The following RPS6KC1 variants were observed in gnomAD, a reference collection of about 807,000 sequenced individuals.
The protein encoded by RPS6KC1 is ribosomal protein S6 kinase C1.
A neutral mutation model predicts 103.8 loss-of-function variants in RPS6KC1; 54 were observed. The observed-to-expected ratio is 0.52, with a 90% CI of 0.42 to 0.65. RPS6KC1 has a LOEUF of 0.65. Ranked by LOEUF, RPS6KC1 falls within the 30% of genes least tolerant of loss-of-function variation. The pLI, the probability that RPS6KC1 is intolerant of heterozygous loss-of-function variation, is 0.00. For synonymous variants in RPS6KC1, 439 were observed against 438.7 expected (o/e 1.00, Z -0.01); for missense variants, 1,151 against 1,253.8 (o/e 0.92, Z 1.24).
the RPS6KC1 span, among the ~76,000 whole-genome samples, chr1:213,718,911 GCA>G: frequency 6.6e-6 from 1 of 152,198 alleles, no homozygotes; most frequent in South Asian, 2.1e-4. Flanking sequence ...TGCGTTGACT[GCA>G]CTTTGAGTGA....
At chr1:213,615,632 C>T in the RPS6KC1 span, among the ~76,000 whole-genome samples, 3 of 152,234 alleles carry the variant, frequency 2.0e-5, no homozygotes, top group Admixed American at 2.0e-4. Context: ...CCCCAGGCAG[C>T]CCTCCTCCCT....
intron 1 of RPS6KC1, among the ~76,000 whole-genome samples, chr1:213,055,662 T>C (rs1335969437): frequency 6.6e-6 from 1 of 152,212 alleles, no homozygotes. Flanking sequence ...TTGTTCTGGC[T>C]ATTCTAGATT....
chr1:213,591,955 C>T, the RPS6KC1 span, among the ~76,000 whole-genome samples: 1 of 152,156 alleles, frequency 6.6e-6, no homozygotes, highest in Non-Finnish European at 1.5e-5. Context: ...GACCTTGGGA[C>T]AGGTGGCTTT....
At chr1:213,746,967 G>GTT in the RPS6KC1 span, among the ~76,000 whole-genome samples, 1 of 152,272 alleles carries the variant, frequency 6.6e-6, no homozygotes, top group East Asian at 1.9e-4. Flanking sequence ...GTGTGCAACT[G>GTT]GAGACACAAG....
intron 3 of RPS6KC1, among the ~76,000 whole-genome samples, chr1:213,097,991 G>A (rs367602240): frequency 6.6e-6 from 1 of 152,302 alleles, no homozygotes; most frequent in South Asian, 2.1e-4. Context: ...CAGCAATAAC[G>A]CTGCTTCACT....
At chr1:213,860,626 T>G in the RPS6KC1 span, among the ~76,000 whole-genome samples, 1 of 151,292 alleles carries the variant, frequency 6.6e-6, no homozygotes, top group South Asian at 2.1e-4. Flanking sequence ...AAGGAGAGAG[T>G]GTTCTAGCAA....
At chr1:213,512,190 A>G in the RPS6KC1 span, among the ~76,000 whole-genome samples, 1 of 152,258 alleles carries the variant, frequency 6.6e-6, no homozygotes, top group Non-Finnish European at 1.5e-5. Context: ...GTCTTAAGAC[A>G]TCACTTAAAA....
chr1:213,363,682 CT>C, the RPS6KC1 span, among the ~76,000 whole-genome samples: 2 of 104,960 alleles, frequency 1.9e-5, no homozygotes, highest in Non-Finnish European at 3.8e-5. Flanking sequence ...TTCTTTCTTT[CT>C]TTCTTTCTTT....
the RPS6KC1 span, among the ~76,000 whole-genome samples, chr1:213,688,060 C>A: frequency 3.9e-5 from 6 of 152,292 alleles, no homozygotes; most frequent in South Asian, 1.2e-3. Flanking sequence ...CCTCAATTTT[C>A]ATTTAATTAG....
At chr1:213,103,261 A>C (rs1484737411) in intron 3 of RPS6KC1, among the ~76,000 whole-genome samples, 1 of 151,892 alleles carries the variant, frequency 6.6e-6, no homozygotes, top group African/African-American at 2.4e-5. Context: ...CATGGCTTTT[A>C]AAAGTTTTTG....
chr1:213,860,946 T>C, the RPS6KC1 span, among the ~76,000 whole-genome samples: 43 of 152,078 alleles, frequency 2.8e-4, no homozygotes, highest in African/African-American at 9.9e-4. Flanking sequence ...GTAGCTGATA[T>C]TACAGGCGTG....
At chr1:213,350,387 G>T in the RPS6KC1 span, among the ~76,000 whole-genome samples, 1 of 152,134 alleles carries the variant, frequency 6.6e-6, no homozygotes, top group African/African-American at 2.4e-5. Context: ...CTTTTATCAG[G>T]AAAAGAGCTA....
At chr1:213,061,260 G>A (rs1380759406) in intron 1 of RPS6KC1, among the ~76,000 whole-genome samples, 6 of 152,178 alleles carry the variant, frequency 3.9e-5, no homozygotes, top group Admixed American at 2.0e-4. Flanking sequence ...TAATGCTTTC[G>A]TGAAAACTTG....
chr1:213,746,690 A>C, the RPS6KC1 span, among the ~76,000 whole-genome samples: 1 of 152,156 alleles, frequency 6.6e-6, no homozygotes, highest in Non-Finnish European at 1.5e-5. Context: ...TAGCAGGAGG[A>C]GAGAGAAGAT....
downstream of RPS6KC1, among the ~76,000 whole-genome samples, chr1:213,275,668 A>C (rs1185644341): frequency 1.3e-5 from 2 of 152,228 alleles, no homozygotes; most frequent in Non-Finnish European, 2.9e-5. Flanking sequence ...AGAATGATCA[A>C]ATCAGGCTAA....
the RPS6KC1 span, among the ~76,000 whole-genome samples, chr1:213,463,933 T>C: frequency 6.6e-6 from 1 of 152,166 alleles, no homozygotes; most frequent in African/African-American, 2.4e-5. Context: ...TAATCAACAT[T>C]ATAAATGCGT....
the RPS6KC1 span, among the ~76,000 whole-genome samples, chr1:213,637,905 C>T: frequency 6.6e-6 from 1 of 152,024 alleles, no homozygotes; most frequent in Non-Finnish European, 1.5e-5. Flanking sequence ...AAGCTTTGAC[C>T]TCCTGGACTC....
At chr1:213,589,938 G>GGGGTGTGTGT in the RPS6KC1 span, among the ~76,000 whole-genome samples, 290 of 132,814 alleles carry the variant, frequency 2.2e-3, 1 homozygote, top group African/African-American at 8.8e-3. Context: ...AAAAGGTAGT[G>GGGGTGTGTGT]GTGTGTGTGT....
intron 8 of RPS6KC1, among the ~76,000 whole-genome samples, chr1:213,219,625 A>G (rs1301180778): frequency 3.9e-5 from 6 of 152,206 alleles, no homozygotes; most frequent in African/African-American, 1.4e-4. Context: ...TCCAACAACA[A>G]TAGACTGGAT....
Sources: gnomAD v4.1 joint callset for allele counts (sites outside exome capture counted in the v4.1 genomes callset) on GRCh38, gnomAD v4.1.1 for gene constraint, MANE v1.5 for transcripts, NCBI Gene and HGNC (gene_info 2026-07-23, HGNC 2026-07-21) for gene names.